SAMD13: variants seen among roughly 807,000 people sequenced by gnomAD.
SAMD13 encodes sterile alpha motif domain containing 13, also known as sterile alpha motif domain-containing protein 13.
In SAMD13, 9 loss-of-function variants were observed where a neutral mutation model predicts 12.4. The ratio of observed to expected loss-of-function variants is 0.72; its 90% CI spans 0.44 to 1.26. The LOEUF (loss-of-function observed/expected upper bound fraction) is 1.26. Among genes scored for constraint, SAMD13 ranks in the 50% most tolerant of loss-of-function variants. SAMD13 has a pLI of 0.00. For synonymous variants in SAMD13, 46 were observed against 45.4 expected, an observed-to-expected ratio of 1.01 and a Z score of -0.05; for missense variants, 84 against 119.6, an observed-to-expected ratio of 0.70 and a Z score of 1.39.
chr1:84,331,615 A>T (rs1453170930), intron 3 of SAMD13, among the ~76,000 whole-genome samples: 1 of 152,158 alleles, frequency 6.6e-6, no homozygotes, highest in Non-Finnish European at 1.5e-5. Flanking sequence ...ATCTCTGCTG[A>T]TGTGTCCTTT....
rs1369759189 is a variant in SAMD13 at position 84,301,754 on chromosome 1, C to T, written c.-80C>T. 7 of 985,178 alleles carry T rather than the reference C, an allele frequency of 7.1e-6. No individual in the cohort carries two copies. The highest frequency in any genetic ancestry group is 8.4e-6 in the Non-Finnish European group (7 of 829,908). 61.0% of individuals were successfully genotyped at this position (985,178 alleles called of 1,614,324 possible). A position where few individuals can be genotyped will look rare whatever the true frequency, so the allele number is the denominator to read the frequency against. On this transcript the variant is annotated 5_prime_UTR_variant, in exon 1 of 4. Transcript: ENST00000394834. ...AAAGAAAACATTGGGGTTTCTTTGG[C>T]TGTTCTTGATAAGCCTATAAAAAAT...
chr1:84,331,859 T>C (rs183767850), intron 3 of SAMD13, among the ~76,000 whole-genome samples: 3 of 152,202 alleles, frequency 2.0e-5, no homozygotes, highest in African/African-American at 4.8e-5. Flanking sequence ...TAGTATCCAA[T>C]AGGCAGTTTT....
intron 3 of SAMD13, among the ~76,000 whole-genome samples, chr1:84,339,562 G>C (rs1383545994): frequency 6.6e-6 from 1 of 152,144 alleles, no homozygotes; most frequent in East Asian, 1.9e-4. Flanking sequence ...TACTGGAGGG[G>C]TCGAGGTATT....
intron 2 of SAMD13, among the ~76,000 whole-genome samples, chr1:84,315,684 A>G (rs1242251130): frequency 6.6e-6 from 1 of 152,182 alleles, no homozygotes; most frequent in Non-Finnish European, 1.5e-5. Context: ...ATATGGGAGT[A>G]CTAATATCTC....
At chr1:84,329,505 T>G (rs1415962086) in intron 3 of SAMD13, among the ~76,000 whole-genome samples, 3 of 152,142 alleles carry the variant, frequency 2.0e-5, no homozygotes, top group African/African-American at 7.2e-5. Flanking sequence ...CAGCGTGACC[T>G]CTTGGAAGAT....
intron 2 of SAMD13, among the ~76,000 whole-genome samples, chr1:84,314,750 C>A (rs999142557): frequency 1.3e-5 from 2 of 152,120 alleles, no homozygotes; most frequent in African/African-American, 4.8e-5. Context: ...AAACTATTAG[C>A]TCCCAAGACA....
chr1:84,301,518 C>T, upstream of SAMD13: 1 of 701,498 alleles, frequency 1.4e-6, no homozygotes, highest in Non-Finnish European at 1.8e-6. Context: ...TTTTGGACTC[C>T]TTACTCATTT....
chr1:84,348,206 C>G (rs1252559553), intron 3 of SAMD13, among the ~76,000 whole-genome samples: 1 of 152,120 alleles, frequency 6.6e-6, no homozygotes, highest in Non-Finnish European at 1.5e-5. Context: ...GAAACCCCGC[C>G]AAGGAGGAAA....
At chr1:84,311,546 T>C (rs1020809619) in intron 2 of SAMD13, among the ~76,000 whole-genome samples, 1 of 152,188 alleles carries the variant, frequency 6.6e-6, no homozygotes, top group African/African-American at 2.4e-5. Context: ...CTGGGATTGA[T>C]CCATAGCATT....
At chr1:84,313,825 TAA>T (rs879617459) in intron 2 of SAMD13, among the ~76,000 whole-genome samples, 1 of 152,016 alleles carries the variant, frequency 6.6e-6, no homozygotes, top group Non-Finnish European at 1.5e-5. Context: ...AGCAAAGGCA[TAA>T]AAAAAATTTT....
chr1:84,322,053 A>G (rs1678957720), intron 2 of SAMD13, among the ~76,000 whole-genome samples: 1 of 152,176 alleles, frequency 6.6e-6, no homozygotes, highest in Non-Finnish European at 1.5e-5. Flanking sequence ...AAAATCTTCA[A>G]GTGTTCTAGG....
intron 3 of SAMD13, among the ~76,000 whole-genome samples, chr1:84,332,831 A>C (rs1679220396): frequency 1.3e-5 from 2 of 152,108 alleles, no homozygotes; most frequent in African/African-American, 2.4e-5. Context: ...GGTATTTCCT[A>C]GTTTATCTTC....
chr1:84,298,571 A>G (rs1022829342), upstream of SAMD13: 51 of 1,282,652 alleles, frequency 4.0e-5, no homozygotes, highest in Non-Finnish European at 5.0e-5. Context: ...CGGGGAGGTA[A>G]GTGATCTGCC....
intron 3 of SAMD13, among the ~76,000 whole-genome samples, chr1:84,329,174 C>G (rs1451362100): frequency 6.6e-6 from 1 of 152,046 alleles, no homozygotes; most frequent in African/African-American, 2.4e-5. Flanking sequence ...AGAGCTTACT[C>G]TCAGGTGTAA....
At chr1:84,306,295 CA>C (rs1249719535) in intron 2 of SAMD13, among the ~76,000 whole-genome samples, 1 of 152,054 alleles carries the variant, frequency 6.6e-6, no homozygotes, top group African/African-American at 2.4e-5. Context: ...TATACAAATA[CA>C]ATTGATTTTT....
At chr1:84,314,111 G>C (rs1480589982) in intron 2 of SAMD13, among the ~76,000 whole-genome samples, 1 of 152,052 alleles carries the variant, frequency 6.6e-6, no homozygotes, top group African/African-American at 2.4e-5. Flanking sequence ...TGACTTTATT[G>C]TAGAATTAAA....
intron 2 of SAMD13, chr1:84,303,770 T>C (rs1678501675): frequency 6.5e-6 from 1 of 153,662 alleles, no homozygotes. Context: ...TTAATGAATG[T>C]GAAACATTTC....
chr1:84,331,626 C>T (rs1466276067), intron 3 of SAMD13, among the ~76,000 whole-genome samples: 1 of 152,092 alleles, frequency 6.6e-6, no homozygotes, highest in Non-Finnish European at 1.5e-5. Flanking sequence ...TGTGTCCTTT[C>T]AACCCATGAA....
At chr1:84,329,627 T>C (rs754616625) in intron 3 of SAMD13, among the ~76,000 whole-genome samples, 15 of 152,196 alleles carry the variant, frequency 9.9e-5, no homozygotes, top group Non-Finnish European at 2.1e-4. Context: ...CTTTTCCCTG[T>C]GCAGGCACCC....
Sources: gnomAD v4.1 joint callset for allele counts (sites outside exome capture counted in the v4.1 genomes callset) on GRCh38, gnomAD v4.1.1 for gene constraint, MANE v1.5 for transcripts, NCBI Gene and HGNC (gene_info 2026-07-23, HGNC 2026-07-21) for gene names.